Variants in USP20 observed in about 807,000 individuals in gnomAD.
The protein encoded by USP20 is ubiquitin specific peptidase 20.
In USP20, 80 loss-of-function variants were observed where a neutral mutation model predicts 124.2. The observed-to-expected ratio is 0.64, with a 90% CI of 0.54 to 0.78. USP20 has a LOEUF of 0.78. Ranked by LOEUF, USP20 falls within the 30% of genes least tolerant of loss-of-function variation. The pLI is 0.00. For synonymous variants in USP20, 481 were observed against 512.3 expected, an observed-to-expected ratio of 0.94 and a Z score of 0.83; for missense variants, 1,043 against 1,244.4, an observed-to-expected ratio of 0.84 and a Z score of 2.44.
rs775906374 is a variant in USP20 at position 129,880,212 on chromosome 9, C to T, written c.2684C>T (p.Pro895Leu). The T allele has an allele frequency of 1.5e-4, 239 of 1,613,564 alleles. 3 individuals are homozygous for T. In the South Asian group the frequency reaches 2.2e-3, roughly 15 times the overall value. Residue 895 changes from proline to leucine, a missense_variant, in exon 25 of 26, where the codon CCG becomes CTG. Pro to Leu is a moderately conservative substitution (Grantham distance 98). Transcript: ENST00000372429. Reference protein sequence around the residue: ...EIAIRQSVAQPLGPENLHGEQ... With the variant: ...EIAIRQSVAQLLGPENLHGEQ... ...GCCATCCGCCAGAGTGTGGCGCAGC[C>T]GCTGGGCCCAGAGAACCTGCACGGG... is the stretch of plus-strand genomic sequence containing the variant.
At position 129,839,837 on chromosome 9, in the gene USP20, G is replaced by C. The variant is rs2032093102; in HGVS notation, c.-129+4338G>C. On this transcript the variant is annotated intron_variant, in intron 1 of 25. Transcript: ENST00000372429. The surrounding 1 kb of genome is among the most constrained non-coding windows in gnomAD (Gnocchi z 4.5). ...AGGTCCAGATGTGCTGCCTACCTAG[G>C]ACCACAGGCTGTGCTGGCTGGTCCC... Among the ~76,000 whole-genome samples the C allele has an allele frequency of 6.6e-6, 1 of 152,134 alleles. No homozygotes were observed. The highest frequency in any genetic ancestry group is 2.4e-5 in the African/African-American group (1 of 41,410).
rs752177832 is a variant in USP20, at chr9:129,868,181, C to T, written c.867C>T (p.Ser289=). 6.2e-7 allele frequency: 1 copy of T among 1,614,062 alleles called. No individual in the cohort carries two copies. Among genetic ancestry groups the T allele is most frequent in the South Asian group, 1.1e-5 (1 of 91,086 alleles). ...ATGAGTTCTTGTCCTGTGACTCGAG[C>T]AGTGACCGGGGTGAGGGTGACGGGC... ...SEDEFLSCDS[S]SDRGEGDGQG... is the part of the protein sequence containing the mutation. The change falls in exon 11 of 26, where the codon AGC becomes AGT. Residue 289 remains serine (S), a synonymous_variant. Coordinates refer to ENST00000372429, the MANE Select transcript of USP20 (RefSeq NM_001110303.4).
intron 3 of USP20, among the ~76,000 whole-genome samples, chr9:129,853,024 T>C (rs935739485): frequency 1.3e-5 from 2 of 152,098 alleles, no homozygotes; most frequent in African/African-American, 4.8e-5. Context: ...GAGGATGTGT[T>C]GCCATCCTTT....
In USP20 at chr9:129,879,781, C is replaced by A; in HGVS notation, c.2584+137C>A. On this transcript the variant is annotated intron_variant, in intron 24 of 25. Coordinates refer to ENST00000372429, the MANE Select transcript of USP20 (RefSeq NM_001110303.4). This position sits in a 1 kb window ranked among gnomAD's most constrained non-coding sequence, Gnocchi z 4.2. ...TGAGACGTCCACCTGAGTCCAGACC[C>A]AGGCGGCTGAGAGATGGCCCAAGGG... The A allele has an allele frequency of 9.7e-7, 1 of 1,030,398 alleles. No homozygotes were observed. The highest frequency in any genetic ancestry group is 1.6e-5 in the African/African-American group (1 of 62,200). 63.8% of individuals were successfully genotyped at this position (1,030,398 alleles called of 1,614,324 possible).
chr9:129,842,444 C>G (rs1316703115), intron 1 of USP20, among the ~76,000 whole-genome samples: 4 of 152,112 alleles, frequency 2.6e-5, no homozygotes, highest in Admixed American at 2.6e-4. Context: ...CTGGCTGTTT[C>G]CCAGCACCCC....
chr9:129,870,195 C>A, intron 14 of USP20: 1 of 570,792 alleles, frequency 1.8e-6, no homozygotes, highest in Non-Finnish European at 3.1e-6. Context: ...ACCCGCATGA[C>A]CCCAGGGAGG....
At chr9:129,847,432 A>T (rs2032646400) in intron 1 of USP20, among the ~76,000 whole-genome samples, 1 of 150,918 alleles carries the variant, frequency 6.6e-6, no homozygotes. Context: ...CCTCCTGAGT[A>T]GCTGGAATTA....
Position 129,852,604 on chromosome 9 carries a change from G to A in USP20, c.49G>A (p.Val17Met). The part of the protein sequence containing the change: ...LCPHLDSIGE[V>M]TKEDLLLKSK... ...CCCTCACCTTGACTCCATAGGAGAG[G>A]TGACCAAAGAGGACTTGCTGCTCAA... Residue 17 changes from valine to methionine, a missense_variant, in exon 3 of 26, where the codon GTG becomes ATG. By Grantham distance (21) the Val-to-Met change is conservative. Transcript: ENST00000372429. 1 of 1,599,284 alleles carries A rather than the reference G, an allele frequency of 6.3e-7. No individual in the cohort carries two copies. Among genetic ancestry groups the A allele is most frequent in the Non-Finnish European group, 8.5e-7 (1 of 1,172,160 alleles).
In USP20 at chr9:129,866,946, C is replaced by T. The variant is rs944772488; in HGVS notation, c.691-1059C>T. On this transcript the variant is annotated intron_variant, in intron 10 of 25. Transcript: ENST00000372429. Reference sequence around the variant, plus strand: ...TCATTCCTCTGATCTTGGAGCCTGACACTTTGCCTTGGGGAGTCCCTCCTG... The same window carrying T: ...TCATTCCTCTGATCTTGGAGCCTGATACTTTGCCTTGGGGAGTCCCTCCTG... 2.6e-5 allele frequency among the ~76,000 whole-genome samples: 4 copies of T among 152,188 alleles called. No individual in the cohort carries two copies. The South Asian group carries it at 6.2e-4, about 24-fold the overall frequency.
At position 129,857,439 on chromosome 9, in the gene USP20, G is replaced by C. The variant is rs2033270419; in HGVS notation, c.136-611G>C. ...ACAGCAGGCGCTCCTGTAGGAGTAT[G>C]GCATTGGCTACTGGCTGGCGTGGAG... On this transcript the variant is annotated intron_variant, in intron 4 of 25. Coordinates refer to ENST00000372429, the MANE Select transcript of USP20 (RefSeq NM_001110303.4). Among the ~76,000 whole-genome samples, 5 of 152,346 alleles carry C rather than the reference G, an allele frequency of 3.3e-5. No homozygotes were observed. In the South Asian group the frequency reaches 1.0e-3, roughly 32 times the overall value.
At chr9:129,851,244 A>G (rs1199506910) in intron 2 of USP20, among the ~76,000 whole-genome samples, 1 of 151,228 alleles carries the variant, frequency 6.6e-6, no homozygotes, top group Non-Finnish European at 1.5e-5. Flanking sequence ...CCCTAATGGT[A>G]AGAATAACAC....
At chr9:129,841,669 G>A (rs192311150) in intron 1 of USP20, among the ~76,000 whole-genome samples, 29 of 152,310 alleles carry the variant, frequency 1.9e-4, no homozygotes, top group South Asian at 6.2e-4. Context: ...AAGGTGCTCA[G>A]CAGGAATGGG....
chr9:129,877,089 G>C (rs899087681), intron 22 of USP20, among the ~76,000 whole-genome samples: 2 of 152,156 alleles, frequency 1.3e-5, no homozygotes, highest in African/African-American at 4.8e-5. Context: ...TTCTGTGAGG[G>C]AGCTGAGTGC....
Position 129,876,243 on chromosome 9 carries a change from G to C in USP20, c.2409+5G>C. ...GAGATCGACACCTTCATCAAGGTGC[G>C]TGCGGCGAGGCGGCGCGGGGGCGGC... On this transcript the variant is annotated splice_donor_5th_base_variant and intron_variant, in intron 22 of 25. Coordinates refer to ENST00000372429, the MANE Select transcript of USP20 (RefSeq NM_001110303.4). 1 of 1,607,638 alleles carries C rather than the reference G, an allele frequency of 6.2e-7. No homozygotes were observed.
chr9:129,847,627 C>A lies in USP20; in HGVS notation c.-128-2186C>A, dbSNP rs2032657974. ...CATTCTGATTTAAAATGCTTTTAAT[C>A]AACTTTATTGAGGTATAATTTACAT... On this transcript the variant is annotated intron_variant, in intron 1 of 25. Transcript: ENST00000372429. Among the ~76,000 whole-genome samples the A allele has an allele frequency of 2.6e-5, 4 of 152,210 alleles. No individual in the cohort carries two copies. In the South Asian group the frequency reaches 8.3e-4, roughly 32 times the overall value.
intron 17 of USP20, 113 bp downstream of exon 17, chr9:129,873,857 G>A (rs1392724142): frequency 7.6e-7 from 1 of 1,316,886 alleles, no homozygotes; most frequent in South Asian, 1.3e-5. Context: ...TGCTGCAGGG[G>A]CCGTGGAGAC....
chr9:129,867,243 T>C (rs2033862343), intron 10 of USP20, among the ~76,000 whole-genome samples: 1 of 152,154 alleles, frequency 6.6e-6, no homozygotes, highest in South Asian at 2.1e-4. Context: ...GCACCCCCTG[T>C]GTGAGCACAC....
chr9:129,841,138 C>T (rs990245540), intron 1 of USP20, among the ~76,000 whole-genome samples: 20 of 152,218 alleles, frequency 1.3e-4, no homozygotes, highest in Admixed American at 2.0e-4. Context: ...GTACCACAGA[C>T]TGGGTGGCTT....
intron 1 of USP20, among the ~76,000 whole-genome samples, chr9:129,838,586 A>G (rs372768016): frequency 6.6e-6 from 1 of 152,186 alleles, no homozygotes; most frequent in Non-Finnish European, 1.5e-5. Flanking sequence ...GGGAAGATGC[A>G]TGGTTTCTAA....
Sources: allele counts gnomAD v4.1 joint callset (sites outside exome capture counted in the v4.1 genomes callset), GRCh38; gene constraint gnomAD v4.1.1; non-coding constraint Gnocchi (gnomAD v3.1); transcripts MANE v1.5; gene names NCBI Gene and HGNC (gene_info 2026-07-23, HGNC 2026-07-21).